Variants in CYSTM1 observed in about 807,000 individuals in gnomAD.
The protein encoded by CYSTM1 is cysteine-rich transmembrane module-containing protein 1.
Under a neutral mutation model 13.1 loss-of-function variants are expected in CYSTM1, and 4 were observed. The observed-to-expected ratio is 0.31, with a 90% CI of 0.15 to 0.70. The LOEUF (loss-of-function observed/expected upper bound fraction) is 0.70, where lower values mean the gene tolerates loss of function less well. Among genes scored for constraint, CYSTM1 ranks in the 30% least tolerant of loss-of-function variants. The pLI is 0.72. For synonymous variants in CYSTM1, 36 were observed against 42.7 expected, an observed-to-expected ratio of 0.84 and a Z score of 0.62; for missense variants, 96 against 121.6, an observed-to-expected ratio of 0.79 and a Z score of 0.99.
At chr5:140,177,880 G>A (rs1051481789) in intron 1 of CYSTM1, among the ~76,000 whole-genome samples, 1 of 152,154 alleles carries the variant, frequency 6.6e-6, no homozygotes, top group Non-Finnish European at 1.5e-5. Flanking sequence ...ACTAATTATG[G>A]TTCCTTTGGA....
At position 140,192,213 on chromosome 5, in the gene CYSTM1, A is replaced by T. The variant is rs139005792; in HGVS notation, c.-20-2233A>T. Among the ~76,000 whole-genome samples, 499 of 152,326 alleles carry T rather than the reference A, an allele frequency of 3.3e-3. 4 individuals carry two copies. Among genetic ancestry groups the T allele is most frequent in the African/African-American group, 0.012 (480 of 41,562 alleles). ...ATCAGCACCTCCTTCTACTAGGTTT[A>T]AGCGCCTACTCCTACCCAGCAGTCT... On this transcript the variant is annotated intron_variant, in intron 1 of 2. Coordinates refer to ENST00000261811, the MANE Select transcript of CYSTM1 (RefSeq NM_032412.4).
intron 1 of CYSTM1, among the ~76,000 whole-genome samples, chr5:140,177,068 C>CAAAAAAAAAAACAAAAAAAAAA (rs1763897904): frequency 1.5e-4 from 13 of 87,944 alleles, no homozygotes; most frequent in African/African-American, 4.8e-4. Context: ...GACTCTGTCT[C>CAAAAAAAAAAACAAAAAAAAAA]AAAAAAAAAA....
intron 2 of CYSTM1, among the ~76,000 whole-genome samples, chr5:140,216,764 A>C (rs1764432111): frequency 6.6e-6 from 1 of 152,034 alleles, no homozygotes; most frequent in African/African-American, 2.4e-5. Flanking sequence ...CATTTGATCA[A>C]GGGTGCCTTG....
At chr5:140,226,736 A>G (rs926951106) in intron 2 of CYSTM1, among the ~76,000 whole-genome samples, 3 of 146,926 alleles carry the variant, frequency 2.0e-5, no homozygotes, top group Non-Finnish European at 4.5e-5. Flanking sequence ...CTTGTACTCC[A>G]GCCTGGGCAA....
At chr5:140,204,391 C>T (rs1764271648) in intron 2 of CYSTM1, among the ~76,000 whole-genome samples, 1 of 152,124 alleles carries the variant, frequency 6.6e-6, no homozygotes, top group African/African-American at 2.4e-5. Context: ...AACAAAACGT[C>T]TCCTGATCCC....
chr5:140,223,587 C>T (rs753817538), intron 2 of CYSTM1, among the ~76,000 whole-genome samples: 3 of 152,176 alleles, frequency 2.0e-5, no homozygotes, highest in Admixed American at 1.3e-4. Flanking sequence ...CCTTATTTTC[C>T]GGATGCTGGA....
chr5:140,198,799 T>C (rs111492141), intron 2 of CYSTM1, among the ~76,000 whole-genome samples: 16 of 152,336 alleles, frequency 1.1e-4, no homozygotes, highest in African/African-American at 3.4e-4. Context: ...ATCACCACTA[T>C]CATAATTCCA....
intron 2 of CYSTM1, chr5:140,202,394 A>C (rs1332482250): frequency 6.6e-6 from 1 of 152,218 alleles, no homozygotes; most frequent in African/African-American, 2.4e-5. Context: ...TGGCAGCCAG[A>C]TCTTGCCAGA....
chr5:140,228,671 C>A (rs1764587653), intron 2 of CYSTM1: 2 of 398,706 alleles, frequency 5.0e-6, no homozygotes, highest in East Asian at 7.1e-5. Flanking sequence ...TGCTGCCACT[C>A]CAAGTCCCCT....
intron 2 of CYSTM1, among the ~76,000 whole-genome samples, chr5:140,227,973 T>C (rs1561816672): frequency 6.6e-6 from 1 of 152,318 alleles, no homozygotes; most frequent in East Asian, 1.9e-4. Context: ...ATAAAATAGA[T>C]GCACTGCTCC....
At chr5:140,215,055 T>TC (rs981945803) in intron 2 of CYSTM1, among the ~76,000 whole-genome samples, 1 of 152,174 alleles carries the variant, frequency 6.6e-6, no homozygotes, top group Non-Finnish European at 1.5e-5. Context: ...AGTGCAATCT[T>TC]CCCAGTGGTC....
chr5:140,207,190 A>AAG (rs971239427), intron 2 of CYSTM1, among the ~76,000 whole-genome samples: 7 of 151,656 alleles, frequency 4.6e-5, no homozygotes, highest in Non-Finnish European at 7.4e-5. Context: ...TTGCTATGAG[A>AAG]AGAGAGAGAG....
intron 2 of CYSTM1, chr5:140,201,278 A>T (rs1241809954): frequency 6.6e-6 from 1 of 152,172 alleles, no homozygotes; most frequent in Non-Finnish European, 1.5e-5. Flanking sequence ...CATCCCCCTC[A>T]TATGCAAAAT....
Position 140,220,435 on chromosome 5 carries a change from A to G in CYSTM1, c.188-22870A>G, listed in dbSNP as rs116256589. ...GAAATGAGGAGAGGGCGGTAATAAGATTAACATTCCTCTCACCTTAACTCA... is the reference window on the plus strand; with the variant it reads ...GAAATGAGGAGAGGGCGGTAATAAGGTTAACATTCCTCTCACCTTAACTCA... On this transcript the variant is annotated intron_variant, in intron 2 of 2. Coordinates refer to ENST00000261811, the MANE Select transcript of CYSTM1 (RefSeq NM_032412.4). Among the ~76,000 whole-genome samples, 1,249 of 152,268 alleles carry G rather than the reference A, an allele frequency of 8.2e-3. 17 individuals are homozygous for G. Among genetic ancestry groups the G allele is most frequent in the African/African-American group, 0.029 (1,195 of 41,550 alleles).
chr5:140,187,385 G>C (rs555570482), intron 1 of CYSTM1, among the ~76,000 whole-genome samples: 2 of 151,858 alleles, frequency 1.3e-5, no homozygotes, highest in African/African-American at 4.8e-5. Flanking sequence ...TTGTTTTTGA[G>C]ATAAGGTCTT....
chr5:140,183,337 C>T lies in CYSTM1; in HGVS notation c.-21+8052C>T, dbSNP rs1763980136. Among the ~76,000 whole-genome samples, 3 of 152,202 alleles carry T rather than the reference C, an allele frequency of 2.0e-5. 1 individual carries two copies. In the South Asian group the frequency reaches 6.2e-4, roughly 32 times the overall value. ...CTTTCTGTGTTCACAGCTTTCTTCC[C>T]TTTTCCTTTCCCTTCTGTTCAATAC... On this transcript the variant is annotated intron_variant, in intron 1 of 2. Coordinates refer to ENST00000261811, the MANE Select transcript of CYSTM1 (RefSeq NM_032412.4).
At chr5:140,227,434 G>A (rs1201036997) in intron 2 of CYSTM1, among the ~76,000 whole-genome samples, 1 of 152,128 alleles carries the variant, frequency 6.6e-6, no homozygotes, top group Non-Finnish European at 1.5e-5. Context: ...TACTTGCCAG[G>A]TTTGCCCAGC....
chr5:140,223,627 G>T (rs1764514664), intron 2 of CYSTM1, among the ~76,000 whole-genome samples: 1 of 152,240 alleles, frequency 6.6e-6, no homozygotes, highest in Non-Finnish European at 1.5e-5. Flanking sequence ...CCAGACAGTA[G>T]ATCAGATCCT....
chr5:140,183,711 A>T (rs1443133533), intron 1 of CYSTM1, among the ~76,000 whole-genome samples: 2 of 152,216 alleles, frequency 1.3e-5, no homozygotes, highest in African/African-American at 4.8e-5. Context: ...GCTGAGGCTT[A>T]CCTGTGGGGA....
Sources: gnomAD v4.1 joint callset for allele counts (sites outside exome capture counted in the v4.1 genomes callset) on GRCh38, gnomAD v4.1.1 for gene constraint, MANE v1.5 for transcripts, NCBI Gene and HGNC (gene_info 2026-07-23, HGNC 2026-07-21) for gene names.